The following KCNIP4 variants were observed in gnomAD, a reference collection of about 807,000 sequenced individuals.
KCNIP4 encodes the protein potassium voltage-gated channel interacting protein 4.
KCNIP4 carries 12 observed loss-of-function variants against 34.0 expected under a neutral mutation model. That is an observed-to-expected ratio of 0.35 (90% CI 0.23 to 0.57). KCNIP4 has a LOEUF of 0.57. Ranked by LOEUF, KCNIP4 falls within the 20% of genes least tolerant of loss-of-function variation. The probability of loss-of-function intolerance (pLI) is 0.83; values close to 1 mark genes in which losing one functional copy is unlikely to be tolerated. For synonymous variants in KCNIP4, 124 were observed against 102.2 expected, an observed-to-expected ratio of 1.21 and a Z score of -1.29; for missense variants, 238 against 311.7, an observed-to-expected ratio of 0.76 and a Z score of 1.78.
chr4:20,843,771 A>G (rs1720042991), intron 3 of KCNIP4, among the ~76,000 whole-genome samples: 1 of 152,192 alleles, frequency 6.6e-6, no homozygotes, highest in Admixed American at 6.5e-5. Flanking sequence ...GAAAGAAACA[A>G]ATAAATCAAG....
intron 3 of KCNIP4, among the ~76,000 whole-genome samples, chr4:20,785,323 T>C (rs1578613675): frequency 8.4e-6 from 1 of 118,728 alleles, no homozygotes; most frequent in East Asian, 2.9e-4. Context: ...TTTGGATTTT[T>C]TTTTCTTTTT....
rs115847848 is a variant in KCNIP4 at position 21,463,866 on chromosome 4, G to A, written c.61+484705C>T. ...GCTTTAAGTTGTGGGAAATGTTTTC[G>A]TTTGAAATTAAATCATTTTACTTGT... is the stretch of plus-strand genomic sequence containing the variant. On this transcript the variant is annotated intron_variant, in intron 1 of 8. Transcript: ENST00000382152. Among the ~76,000 whole-genome samples the A allele has an allele frequency of 8.3e-3, 1,258 of 152,052 alleles. 15 individuals carry two copies. The highest frequency in any genetic ancestry group is 0.029 in the African/African-American group (1,189 of 41,528).
chr4:21,939,728 A>T (rs1188877350), intron 1 of KCNIP4, among the ~76,000 whole-genome samples: 1 of 152,220 alleles, frequency 6.6e-6, no homozygotes, highest in Non-Finnish European at 1.5e-5. Context: ...GCATCAAAGT[A>T]GAAAAGACTC....
At chr4:20,891,504 C>T (rs929908355) in intron 1 of KCNIP4, among the ~76,000 whole-genome samples, 5 of 152,134 alleles carry the variant, frequency 3.3e-5, no homozygotes, top group Admixed American at 3.3e-4. Flanking sequence ...ACTCAGCAGA[C>T]TGAGGCAGGA....
chr4:21,727,246 G>C (rs1341535799), intron 1 of KCNIP4, among the ~76,000 whole-genome samples: 1 of 152,162 alleles, frequency 6.6e-6, no homozygotes, highest in Non-Finnish European at 1.5e-5. Context: ...AACGTTTGAA[G>C]GAGTATGCCT....
In KCNIP4 at chr4:20,850,601, T is replaced by C; in HGVS notation, c.230A>G (p.Glu77Gly). The change falls in exon 3 of 9, where the codon GAA (glutamate) becomes GGA (glycine). Residue 77 changes from glutamate (E) to glycine (G), a missense_variant. Transcript: ENST00000382152. ...TTTCTTGGTAAATTTGCTCTGGGCT[T>C]CCAGAAGCTCAAGGGCTTCAGGCCG... ...RHRPEALELLEAQSKFTKKEL... is the reference protein window; with the variant it reads ...RHRPEALELLGAQSKFTKKEL... The C allele has an allele frequency of 6.2e-7, 1 of 1,612,848 alleles. No individual in the cohort carries two copies. Among genetic ancestry groups the C allele is most frequent in the Non-Finnish European group, 8.5e-7 (1 of 1,179,674 alleles).
chr4:21,360,272 T>C (rs1343340225), intron 1 of KCNIP4, among the ~76,000 whole-genome samples: 4 of 152,074 alleles, frequency 2.6e-5, no homozygotes, highest in Non-Finnish European at 4.4e-5. Flanking sequence ...TGATAAATTA[T>C]CCATTATATT....
intron 3 of KCNIP4, among the ~76,000 whole-genome samples, chr4:20,830,817 G>T (rs1203130658): frequency 2.0e-5 from 3 of 152,212 alleles, no homozygotes; most frequent in Non-Finnish European, 4.4e-5. Flanking sequence ...GTAGGTATGT[G>T]TGAATTGCTG....
chr4:20,774,677 C>CAAG (rs1422644499), intron 3 of KCNIP4, among the ~76,000 whole-genome samples: 1 of 152,034 alleles, frequency 6.6e-6, no homozygotes, highest in Non-Finnish European at 1.5e-5. Context: ...GGAAGACTTC[C>CAAG]CTGAGGATGT....
At chr4:21,815,876 C>T (rs1361400809) in intron 1 of KCNIP4, among the ~76,000 whole-genome samples, 1 of 152,120 alleles carries the variant, frequency 6.6e-6, no homozygotes, top group East Asian at 1.9e-4. Context: ...GTATGATCTC[C>T]AGAAATATTC....
chr4:21,112,030 T>C lies in KCNIP4; in HGVS notation c.62-229321A>G, dbSNP rs58903790. On this transcript the variant is annotated intron_variant, in intron 1 of 8. Transcript: ENST00000382152. ...AACAAATCTATCCTTTCTCTGTATC[T>C]ATCTATCTATCTATCTATCTATCTA... is the stretch of plus-strand genomic sequence containing the variant. Among the ~76,000 whole-genome samples the C allele has an allele frequency of 3.1e-3, 102 of 33,268 alleles. 1 individual carries two copies. The highest frequency in any genetic ancestry group is 0.029 in the Middle Eastern group (2 of 70). 21.8% of individuals were successfully genotyped at this position (33,268 alleles called of 152,430 possible).
intron 1 of KCNIP4, among the ~76,000 whole-genome samples, chr4:21,069,485 A>G (rs1467922165): frequency 6.6e-6 from 1 of 152,214 alleles, no homozygotes; most frequent in Non-Finnish European, 1.5e-5. Context: ...GAGGACTCTG[A>G]GTATTCATGG....
intron 1 of KCNIP4, among the ~76,000 whole-genome samples, chr4:21,421,286 A>G (rs1374538894): frequency 6.6e-6 from 1 of 152,202 alleles, no homozygotes; most frequent in African/African-American, 2.4e-5. Context: ...TATCCATAGG[A>G]AAAAAATCAG....
At chr4:21,131,646 G>A (rs774542880) in intron 1 of KCNIP4, among the ~76,000 whole-genome samples, 2 of 151,988 alleles carry the variant, frequency 1.3e-5, no homozygotes, top group African/African-American at 4.8e-5. Context: ...AATAAAAACC[G>A]GAAGAGGGCA....
At chr4:21,282,459 AGTGTGTGT>A (rs34143880) in intron 1 of KCNIP4, among the ~76,000 whole-genome samples, 22,455 of 146,764 alleles carry the variant, frequency 0.15, 2,271 homozygotes, top group African/African-American at 0.29. Context: ...AAGATGTGTG[AGTGTGTGT>A]GTGTGTGTGT....
intron 1 of KCNIP4, among the ~76,000 whole-genome samples, chr4:21,213,944 G>C (rs970138600): frequency 6.6e-6 from 1 of 152,148 alleles, no homozygotes; most frequent in African/African-American, 2.4e-5. Flanking sequence ...TGTCTGCACA[G>C]AGTGTCGTAC....
intron 1 of KCNIP4, among the ~76,000 whole-genome samples, chr4:21,658,041 T>C (rs1485142452): frequency 6.6e-6 from 1 of 152,118 alleles, no homozygotes; most frequent in Non-Finnish European, 1.5e-5. Context: ...GGTTTCACCA[T>C]GTTGGCCAGG....
At position 20,728,804 on chromosome 4, in the gene KCNIP4, A is replaced by AAGAC. The variant is rs1162416736; in HGVS notation, c.*1274_*1277dup. ...AATAGATACCTGATTTATTGTTGCA[A>AAGAC]AGACAGTTGCAAATTTCCTCCTTCT... On this transcript the variant is annotated 3_prime_UTR_variant, in exon 9 of 9. Transcript: ENST00000382152. 2 of 152,540 alleles carry AAGAC rather than the reference A, an allele frequency of 1.3e-5. No individual in the cohort carries two copies. The highest frequency in any genetic ancestry group is 2.4e-5 in the African/African-American group (1 of 41,404). 9.4% of individuals were successfully genotyped at this position (152,540 alleles called of 1,614,324 possible). A position where few individuals can be genotyped will look rare whatever the true frequency, so the allele number is the denominator to read the frequency against.
intron 1 of KCNIP4, among the ~76,000 whole-genome samples, chr4:21,835,064 T>G (rs1377855098): frequency 6.6e-6 from 1 of 152,118 alleles, no homozygotes; most frequent in Non-Finnish European, 1.5e-5. Context: ...CTTTTTTGGT[T>G]ATGTCTCTGC....
Sources: allele counts gnomAD v4.1 joint callset (sites outside exome capture counted in the v4.1 genomes callset), GRCh38; gene constraint gnomAD v4.1.1; transcripts MANE v1.5; gene names NCBI Gene and HGNC (gene_info 2026-07-23, HGNC 2026-07-21).